IMPDH2: variants seen among roughly 807,000 people sequenced by gnomAD.
IMPDH2 encodes the protein inosine monophosphate dehydrogenase 2.
Under a neutral mutation model 57.8 loss-of-function variants are expected in IMPDH2, and 33 were observed. The ratio of observed to expected loss-of-function variants is 0.57; its 90% confidence interval spans 0.43 to 0.76. IMPDH2 has a LOEUF of 0.76. Ranked by LOEUF, IMPDH2 falls within the 30% of genes least tolerant of loss-of-function variation. IMPDH2 has a pLI of 0.00. For missense variants in IMPDH2, 446 were observed against 659.1 expected, an observed-to-expected ratio of 0.68 and a Z score of 3.54; for synonymous variants, 270 against 241.3, an observed-to-expected ratio of 1.12 and a Z score of -1.10.
At chr3:49,025,495 G>C (rs1223428255) in intron 9 of IMPDH2, 1 of 558,970 alleles carries the variant, frequency 1.8e-6, no homozygotes, top group East Asian at 3.1e-5. Flanking sequence ...CATGTGTGCA[G>C]TGCCCAGGGC....
chr3:49,028,687 C>A, intron 2 of IMPDH2, 71 bp downstream of exon 2: 1 of 1,430,416 alleles, frequency 7.0e-7, no homozygotes, highest in Non-Finnish European at 9.9e-7. Context: ...GGTGAGTTAG[C>A]CCAGAGACCA....
intron 1 of IMPDH2, 74 bp downstream of exon 1, chr3:49,029,179 C>T (rs529534253): frequency 8.0e-5 from 101 of 1,263,876 alleles, no homozygotes; most frequent in Non-Finnish European, 1.1e-4. Context: ...AGGCGGCTCT[C>T]GGAAGCCCCC....
chr3:49,028,050 G>C (rs2093206822), intron 4 of IMPDH2, 134 bp from the exon 5 acceptor site: 3 of 814,102 alleles, frequency 3.7e-6, no homozygotes, highest in Non-Finnish European at 6.1e-6. Flanking sequence ...ACACATCTTA[G>C]AGACATGGGT....
In IMPDH2 at chr3:49,024,742, T is replaced by G. The variant is rs947239684; in HGVS notation, c.1356A>C (p.Ser452=). Residue 452 remains serine, a synonymous_variant, in exon 12 of 14, where the codon TCA becomes TCC. Transcript: ENST00000326739. ...GVSGAVQDKG[S]IHKFVPYLIA... ...TCAGGTAAGGGACAAATTTGTGGATTGACCCTTTGTCCTGCACAGCACCAG... is the reference window on the plus strand; with the variant it reads ...TCAGGTAAGGGACAAATTTGTGGATGGACCCTTTGTCCTGCACAGCACCAG... 1.2e-6 allele frequency: 2 copies of G among 1,614,090 alleles called. No homozygotes were observed. Among genetic ancestry groups the G allele is most frequent in the Non-Finnish European group, 1.7e-6 (2 of 1,180,042 alleles).
At chr3:49,025,352 G>A (rs1209896045) in intron 9 of IMPDH2, 83 bp from the exon 10 acceptor site, 1 of 1,493,296 alleles carries the variant, frequency 6.7e-7, no homozygotes, top group African/African-American at 1.4e-5. Context: ...GGACCCAGGA[G>A]CTTTTGGCTA....
At position 49,029,371 on chromosome 3, in the gene IMPDH2, G is replaced by A. The variant is rs768940524; in HGVS notation, c.-21C>T. ...GCCATGGCCAACACAGGACACCGCC[G>A]CGTGTCTCCGAGGACCGCGCCGCAG... On this transcript the variant is annotated 5_prime_UTR_variant, in exon 1 of 14. Transcript: ENST00000326739. The A allele has an allele frequency of 1.2e-5, 18 of 1,527,486 alleles. No individual in the cohort carries two copies. The highest frequency in any genetic ancestry group is 7.0e-5 in the South Asian group (6 of 85,580). The allele number at this position is 1,527,486 out of a possible 1,614,324, so 94.6% of individuals were successfully genotyped here. A position where few individuals can be genotyped will look rare whatever the true frequency, so the allele number is the denominator to read the frequency against.
chr3:49,025,717 G>GT (rs1376868186), intron 9 of IMPDH2, among the ~76,000 whole-genome samples: 2 of 152,220 alleles, frequency 1.3e-5, no homozygotes, highest in East Asian at 3.8e-4. Context: ...GGTTGTGTGG[G>GT]AGAGCAAGGA....
chr3:49,027,012 A>AG lies in IMPDH2; in HGVS notation c.566dup (p.Ala190CysfsTer10), dbSNP rs2093202482. On this transcript the variant is annotated frameshift_variant, in exon 6 of 14. Transcript: ENST00000326739. LOFTEE classifies it high-confidence loss of function. Reference sequence around the variant, plus strand: ...TTGCCTCCTTCAGTGTGATGCCTGCAGGGGCTACCACCAAGTCTTCCCTCT... The same window carrying AG: ...TTGCCTCCTTCAGTGTGATGCCTGCAGGGGGCTACCACCAAGTCTTCCCTCT... 1 of 1,614,006 alleles carries AG rather than the reference A, an allele frequency of 6.2e-7. No homozygotes were observed. Among genetic ancestry groups the AG allele is most frequent in the South Asian group, 1.1e-5 (1 of 91,082 alleles).
At chr3:49,026,484 C>T (rs1559916120) in intron 8 of IMPDH2, 35 bp downstream of exon 8, 2 of 1,602,410 alleles carry the variant, frequency 1.2e-6, no homozygotes, top group South Asian at 1.1e-5. Context: ...TACCCACTCC[C>T]ACCACACATC....
rs1356964445 is a variant in IMPDH2 at position 49,024,327 on chromosome 3, T to TTTTC, written c.*52_*55dup. On this transcript the variant is annotated 3_prime_UTR_variant, in exon 14 of 14. Transcript: ENST00000326739. ...TCTGTTGAAAGATCAGGCATCACTT[T>TTTTC]TTTCTTTCTAAACTTTTATTGAAAA... The TTTTC allele has an allele frequency of 6.2e-7, 1 of 1,601,092 alleles. No homozygotes were observed. The highest frequency in any genetic ancestry group is 8.6e-7 in the Non-Finnish European group (1 of 1,169,084).
In IMPDH2 at chr3:49,024,982, G is replaced by A. The variant is rs762217832; in HGVS notation, c.1209C>T (p.Ser403=). The A allele has an allele frequency of 1.9e-5, 30 of 1,614,100 alleles. No individual in the cohort carries two copies. Among genetic ancestry groups the A allele is most frequent in the Admixed American group, 1.2e-4 (7 of 60,004 alleles). ...TTEAPGEYFF[S]DGIRLKKYRG... is the part of the protein sequence containing the mutation. ...GATATTTCTTTAGCCGGATCCCATC[G>A]GAAAAGAAGTATTCACCAGGGGCCT... is the stretch of plus-strand genomic sequence containing the variant. Residue 403 remains serine (S), a synonymous_variant, in exon 11 of 14, where the codon TCC becomes TCT. Coordinates refer to ENST00000326739, the MANE Select transcript of IMPDH2 (RefSeq NM_000884.3).
rs1278590215 is a variant in IMPDH2, at chr3:49,026,385, A to G, written c.945T>C (p.Asp315=). 1 of 1,613,898 alleles carries G rather than the reference A, an allele frequency of 6.2e-7. No homozygotes were observed. The highest frequency in any genetic ancestry group is 1.3e-5 in the African/African-American group (1 of 75,048). ...VTAAQAKNLI[D]AGVDALRVGM... is the part of the protein sequence containing the mutation. ...CCACCCGCAGGGCATCCACACCTGC[A>G]TCAATGAGGTTCTTGGCCTGGGCAG... The change falls in exon 9 of 14, where the codon GAT becomes GAC. Residue 315 remains aspartate, a synonymous_variant. Coordinates refer to ENST00000326739, the MANE Select transcript of IMPDH2 (RefSeq NM_000884.3).
Position 49,024,344 on chromosome 3 carries a change from T to C in IMPDH2, c.*39A>G, listed in dbSNP as rs1217600190. On this transcript the variant is annotated 3_prime_UTR_variant, in exon 14 of 14. Coordinates refer to ENST00000326739, the MANE Select transcript of IMPDH2 (RefSeq NM_000884.3). ...CATCACTTTTTTCTTTCTAAACTTTTATTGAAAAAAAAACCGAGGAGGTGT... is the reference window on the plus strand; with the variant it reads ...CATCACTTTTTTCTTTCTAAACTTTCATTGAAAAAAAAACCGAGGAGGTGT... 1.9e-6 allele frequency: 3 copies of C among 1,612,188 alleles called. No individual in the cohort carries two copies. The highest frequency in any genetic ancestry group is 1.7e-5 in the Admixed American group (1 of 59,922).
rs761472506 is a variant in IMPDH2 at position 49,027,872 on chromosome 3, G to A, written c.369C>T (p.Pro123=). ...GFITDPVVLS[P]KDRVRDVFEA... ...CAAAAACATCCCGCACGCGATCCTTGGGGCTGAGGACCACAGGGTCTGTGA... is the reference window on the plus strand; with the variant it reads ...CAAAAACATCCCGCACGCGATCCTTAGGGCTGAGGACCACAGGGTCTGTGA... Residue 123 remains proline, a synonymous_variant, in exon 5 of 14, where the codon CCC becomes CCT. Transcript: ENST00000326739. 4.1e-5 allele frequency: 66 copies of A among 1,614,062 alleles called. No homozygotes were observed. The South Asian group carries it at 6.7e-4, about 16-fold the overall frequency.
rs1359255412 is a variant in IMPDH2, at chr3:49,024,747, C to A, written c.1351G>T (p.Gly451Trp). ...QGVSGAVQDK[G>W]SIHKFVPYLI... ...TAAGGGACAAATTTGTGGATTGACC[C>A]TTTGTCCTGCACAGCACCAGACACT... The change falls in exon 12 of 14, where the codon GGG becomes TGG. Residue 451 changes from glycine to tryptophan, a missense_variant. Transcript: ENST00000326739. The A allele has an allele frequency of 6.2e-7, 1 of 1,614,046 alleles. No individual in the cohort carries two copies. The highest frequency in any genetic ancestry group is 8.5e-7 in the Non-Finnish European group (1 of 1,180,038).
chr3:49,026,290 G>A (rs1164913883), intron 9 of IMPDH2, 34 bp downstream of exon 9: 1 of 1,432,212 alleles, frequency 7.0e-7, no homozygotes, highest in Non-Finnish European at 9.7e-7. Context: ...CTGAAACTGG[G>A]GTCTCTGTGG....
intron 6 of IMPDH2, 33 bp downstream of exon 6, chr3:49,026,927 A>C (rs1018824901): frequency 2.3e-5 from 37 of 1,613,154 alleles, no homozygotes; most frequent in Non-Finnish European, 3.1e-5. Flanking sequence ...CCTAGGCATT[A>C]GTTCCAGGCC....
rs1235731529 is a variant in IMPDH2, at chr3:49,025,326, C to A, written c.1007-57G>T. Reference sequence around the variant, plus strand: ...GGGTTAATGGGGACGGGCAGTGGACCCTGTGGCCATATTTAGGACCCAGGA... The same window carrying A: ...GGGTTAATGGGGACGGGCAGTGGACACTGTGGCCATATTTAGGACCCAGGA... On this transcript the variant is annotated intron_variant, in intron 9 of 13. Coordinates refer to ENST00000326739, the MANE Select transcript of IMPDH2 (RefSeq NM_000884.3). 3.7e-6 allele frequency: 6 copies of A among 1,600,594 alleles called. No homozygotes were observed. The South Asian group carries it at 5.5e-5, about 15-fold the overall frequency.
chr3:49,024,954 C>A lies in IMPDH2; in HGVS notation c.1237G>T (p.Gly413Cys), dbSNP rs894493073. The stretch of plus-strand genomic sequence containing the variant: ...TCCATGGCATCGAGAGAACCCATAC[C>A]GCGATATTTCTTTAGCCGGATCCCA... ...SDGIRLKKYRGMGSLDAMDKH... is the reference protein window; with the variant it reads ...SDGIRLKKYRCMGSLDAMDKH... The change falls in exon 11 of 14, where the codon GGT becomes TGT. Residue 413 changes from glycine to cysteine, a missense_variant. Physicochemically the swap from Gly to Cys is radical, Grantham distance 159. Coordinates refer to ENST00000326739, the MANE Select transcript of IMPDH2 (RefSeq NM_000884.3). 1 of 1,614,066 alleles carries A rather than the reference C, an allele frequency of 6.2e-7. No homozygotes were observed. The highest frequency in any genetic ancestry group is 8.5e-7 in the Non-Finnish European group (1 of 1,180,034).
Sources: gnomAD v4.1 joint callset for allele counts (sites outside exome capture counted in the v4.1 genomes callset) on GRCh38, gnomAD v4.1.1 for gene constraint, MANE v1.5 for transcripts, NCBI Gene and HGNC (gene_info 2026-07-23, HGNC 2026-07-21) for gene names.